ZNRF3: variants seen among roughly 807,000 people sequenced by gnomAD.
ZNRF3 encodes the protein E3 ubiquitin-protein ligase ZNRF3.
ZNRF3 carries 23 observed loss-of-function variants against 72.5 expected under a neutral mutation model. The observed-to-expected ratio is 0.32, with a 90% CI of 0.23 to 0.45. The LOEUF is 0.45. ZNRF3 is among the 20% of genes least tolerant of loss of function. ZNRF3 has a pLI of 1.00. For missense variants in ZNRF3, 1,169 were observed against 1,272.1 expected (o/e 0.92, Z 1.23); for synonymous variants, 610 against 545.3 (o/e 1.12, Z -1.65).
At chr22:29,002,649 C>A (rs541599869) in intron 2 of ZNRF3, among the ~76,000 whole-genome samples, 1 of 152,318 alleles carries the variant, frequency 6.6e-6, no homozygotes, top group South Asian at 2.1e-4. Flanking sequence ...GATGGCCAGG[C>A]CCTTATTCTC....
chr22:28,941,793 C>T lies in ZNRF3; in HGVS notation c.301-45283C>T, dbSNP rs369175363. Among the ~76,000 whole-genome samples the T allele has an allele frequency of 9.2e-5, 14 of 152,140 alleles. No individual in the cohort carries two copies. The East Asian group carries it at 2.3e-3, about 25-fold the overall frequency. ...GGGCGTGGTGGCGCATGCCTGTAAT[C>T]CCAGCTACTCGGGAGGCTGAGGTGG... On this transcript the variant is annotated intron_variant, in intron 1 of 8. Coordinates refer to ENST00000544604, the MANE Select transcript of ZNRF3 (RefSeq NM_001206998.2).
chr22:28,927,432 C>T (rs1006871801), intron 1 of ZNRF3, among the ~76,000 whole-genome samples: 5 of 152,154 alleles, frequency 3.3e-5, no homozygotes, highest in African/African-American at 9.7e-5. Context: ...TCAAAGGATC[C>T]GGGAAGCCCA....
chr22:28,975,507 C>CAATGTCTCAAA (rs1555977211), intron 1 of ZNRF3, among the ~76,000 whole-genome samples: 2 of 47,888 alleles, frequency 4.2e-5, no homozygotes, highest in African/African-American at 2.0e-4. Flanking sequence ...TACTCTGTCT[C>CAATGTCTCAAA]AAAAAAAAAA....
Position 29,050,567 on chromosome 22 carries a change from G to A in ZNRF3, c.2386G>A (p.Gly796Ser), listed in dbSNP as rs1381257773. The A allele has an allele frequency of 3.1e-6, 5 of 1,608,712 alleles. No homozygotes were observed. The highest frequency in any genetic ancestry group is 1.3e-5 in the African/African-American group (1 of 74,824). Residue 796 changes from glycine (G) to serine (S), a missense_variant, in exon 8 of 9, where the codon GGC (glycine) becomes AGC (serine). Physicochemically the swap from Gly to Ser is moderately conservative, Grantham distance 56. Coordinates refer to ENST00000544604, the MANE Select transcript of ZNRF3 (RefSeq NM_001206998.2). ...GGCCCGCGGGGGCGGAGGGGGCAGC[G>A]GCTGCTACACTGAGGACTACTCGGT... ...QVARGGGGGS[G>S]CYTEDYSVSV...
At chr22:28,907,517 G>A (rs1214426492) in intron 1 of ZNRF3, among the ~76,000 whole-genome samples, 2 of 152,212 alleles carry the variant, frequency 1.3e-5, no homozygotes, top group African/African-American at 2.4e-5. Flanking sequence ...GTTCCCCACA[G>A]TGCCCAGATG....
chr22:28,938,755 A>G (rs973830480), intron 1 of ZNRF3, among the ~76,000 whole-genome samples: 3 of 152,182 alleles, frequency 2.0e-5, no homozygotes, highest in African/African-American at 4.8e-5. Flanking sequence ...GGAGATGTAT[A>G]TATAAAACAA....
In ZNRF3 at chr22:29,050,015, G is replaced by T; in HGVS notation, c.1834G>T (p.Gly612Cys). The T allele has an allele frequency of 6.2e-7, 1 of 1,611,342 alleles. No homozygotes were observed. The highest frequency in any genetic ancestry group is 8.5e-7 in the Non-Finnish European group (1 of 1,179,300). Residue 612 changes from glycine to cysteine, a missense_variant, in exon 8 of 9, where the codon GGC becomes TGC. Around this residue, in one of 2 missense-constraint regions of ZNRF3, gnomAD observed 783 missense variants for 731.4 expected, o/e 1.07. Transcript: ENST00000544604. Reference protein sequence around the residue: ...RSPCRASEAGGSGSSGRGPAL... With the variant: ...RSPCRASEAGCSGSSGRGPAL... ...CCCCTGTCGTGCCAGTGAGGCGGGG[G>T]GCTCGGGCAGCTCGGGCCGGGGACC...
intron 1 of ZNRF3, among the ~76,000 whole-genome samples, chr22:28,946,096 C>T (rs2035048168): frequency 6.6e-6 from 1 of 152,104 alleles, no homozygotes; most frequent in East Asian, 1.9e-4. Context: ...TAGGGATGCT[C>T]AACTGGTCCG....
chr22:29,033,663 A>G (rs1461320802), intron 2 of ZNRF3, among the ~76,000 whole-genome samples: 3 of 152,124 alleles, frequency 2.0e-5, no homozygotes, highest in Non-Finnish European at 4.4e-5. Context: ...AAAACGATGG[A>G]TGGATTTGGA....
Position 29,030,658 on chromosome 22 carries a change from G to A in ZNRF3, c.427-11837G>A, listed in dbSNP as rs1423092072. 6.6e-6 allele frequency among the ~76,000 whole-genome samples: 1 copy of A among 151,898 alleles called. No homozygotes were observed. The highest frequency in any genetic ancestry group is 1.5e-5 in the Non-Finnish European group (1 of 67,978). ...GAGGGCACTTTCCCGGGTCGGAGAA[G>A]GCCGGATGGCAGCCCGCCCCGAAAG... On this transcript the variant is annotated intron_variant, in intron 2 of 8. Transcript: ENST00000544604. This position sits in a 1 kb window ranked among gnomAD's most constrained non-coding sequence, Gnocchi z 4.2.
intron 1 of ZNRF3, among the ~76,000 whole-genome samples, chr22:28,907,373 C>T (rs1361532383): frequency 6.6e-6 from 1 of 152,166 alleles, no homozygotes; most frequent in Non-Finnish European, 1.5e-5. Flanking sequence ...CTTACATGGC[C>T]TTGTGCTGTC....
intron 1 of ZNRF3, among the ~76,000 whole-genome samples, chr22:28,973,410 A>C (rs5762925): frequency 0.34 from 51,079 of 151,998 alleles, 8,862 homozygotes; most frequent in East Asian, 0.48. Flanking sequence ...TTTTTGCATG[A>C]GAGGTACATG....
rs1214114220 is a variant in ZNRF3, at chr22:29,050,053, C to T, written c.1872C>T (p.Phe624=). The stretch of plus-strand genomic sequence containing the variant: ...CGGGCCGGGGACCTGCCCTGTGCTT[C>T]GAGGGCTCCCCGCCTCCCGAGGAGC... The part of the protein sequence containing the change: ...GSSGRGPALC[F]EGSPPPEELP... The change falls in exon 8 of 9, where the codon TTC becomes TTT. Residue 624 remains phenylalanine (F), a synonymous_variant. Transcript: ENST00000544604. 1.2e-6 allele frequency: 2 copies of T among 1,607,698 alleles called. No individual in the cohort carries two copies. Among genetic ancestry groups the T allele is most frequent in the East Asian group, 4.5e-5 (2 of 44,800 alleles).
chr22:28,973,753 G>T (rs1376959658), intron 1 of ZNRF3, among the ~76,000 whole-genome samples: 1 of 151,890 alleles, frequency 6.6e-6, no homozygotes, highest in East Asian at 1.9e-4. Context: ...TCCAGTGAAA[G>T]AAATTTAAAA....
At chr22:28,895,034 C>T (rs1428532297) in intron 1 of ZNRF3, among the ~76,000 whole-genome samples, 2 of 152,170 alleles carry the variant, frequency 1.3e-5, no homozygotes. Context: ...GTTCCATTTA[C>T]AGATGCCTGG....
chr22:28,997,989 A>T (rs1265895727), intron 2 of ZNRF3, among the ~76,000 whole-genome samples: 6 of 60,172 alleles, frequency 1.0e-4, no homozygotes, highest in African/African-American at 2.9e-4. Context: ...CTGGCTCTTT[A>T]AAAAAAAAAA....
intron 2 of ZNRF3, among the ~76,000 whole-genome samples, chr22:29,029,655 T>C (rs2036708615): frequency 2.0e-5 from 3 of 152,236 alleles, no homozygotes; most frequent in Admixed American, 1.3e-4. Flanking sequence ...TCTATATAGA[T>C]CAAATCATCT....
chr22:28,958,865 T>G (rs2035305184), intron 1 of ZNRF3, among the ~76,000 whole-genome samples: 3 of 152,244 alleles, frequency 2.0e-5, no homozygotes, highest in Admixed American at 2.0e-4. Context: ...CATCTGGTAC[T>G]TTTAGTCCTT....
Position 29,048,986 on chromosome 22 carries a change from C to T in ZNRF3, c.1016-211C>T, listed in dbSNP as rs768167278. On this transcript the variant is annotated intron_variant, in intron 7 of 8. Coordinates refer to ENST00000544604, the MANE Select transcript of ZNRF3 (RefSeq NM_001206998.2). The surrounding 1 kb of genome is among the most constrained non-coding windows in gnomAD (Gnocchi z 4.9). Reference sequence around the variant, plus strand: ...AGGCAGAGCAGTGGGGAGTTGGGAGCGGGGCCCTTACAGGAGATGGGCCAT... The same window carrying T: ...AGGCAGAGCAGTGGGGAGTTGGGAGTGGGGCCCTTACAGGAGATGGGCCAT... 9.9e-5 allele frequency among the ~76,000 whole-genome samples: 15 copies of T among 152,116 alleles called. No homozygotes were observed. The highest frequency in any genetic ancestry group is 1.9e-4 in the East Asian group (1 of 5,190).
Sources: allele counts gnomAD v4.1 joint callset (sites outside exome capture counted in the v4.1 genomes callset), GRCh38; gene constraint gnomAD v4.1.1; regional missense constraint gnomAD v4.1.1; non-coding constraint Gnocchi (gnomAD v3.1); transcripts MANE v1.5; gene names NCBI Gene and HGNC (gene_info 2026-07-23, HGNC 2026-07-21).